Variants in MBNL2 observed in about 807,000 individuals in gnomAD.
The protein encoded by MBNL2 is muscleblind-like protein 2.
Under a neutral mutation model 41.9 loss-of-function variants are expected in MBNL2, and 17 were observed. The ratio of observed to expected loss-of-function variants is 0.41; its 90% CI spans 0.28 to 0.61. The LOEUF (loss-of-function observed/expected upper bound fraction) is 0.61, where lower values mean the gene tolerates loss of function less well. Ranked by LOEUF, MBNL2 falls within the 20% of genes least tolerant of loss-of-function variation. The pLI is 0.35. For missense variants in MBNL2, 336 were observed against 505.6 expected (o/e 0.66, Z 3.22); for synonymous variants, 195 against 182.9 (o/e 1.07, Z -0.53).
intron 5 of MBNL2, among the ~76,000 whole-genome samples, chr13:97,348,303 C>T (rs1189731736): frequency 1.3e-5 from 2 of 152,054 alleles, no homozygotes; most frequent in African/African-American, 2.4e-5. Context: ...TCAAGCAATT[C>T]TCACACCTTT....
intron 1 of MBNL2, among the ~76,000 whole-genome samples, chr13:97,259,349 T>A (rs1227542352): frequency 6.6e-6 from 1 of 152,158 alleles, no homozygotes; most frequent in Non-Finnish European, 1.5e-5. Context: ...TTTGTCCTTT[T>A]CACAGTCCGG....
chr13:97,215,841 A>G, the MBNL2 span, among the ~76,000 whole-genome samples: 1 of 152,166 alleles, frequency 6.6e-6, no homozygotes, highest in African/African-American at 2.4e-5. Context: ...TTTAGTTATC[A>G]CTTTTTTGGC....
intron 2 of MBNL2, among the ~76,000 whole-genome samples, chr13:97,317,226 C>G (rs2059136414): frequency 6.6e-6 from 1 of 152,166 alleles, no homozygotes; most frequent in South Asian, 2.1e-4. Flanking sequence ...CACTCTGTTC[C>G]AGGGCCGGGG....
chr13:97,321,867 G>A (rs1031709508), intron 2 of MBNL2, among the ~76,000 whole-genome samples: 19 of 152,154 alleles, frequency 1.2e-4, no homozygotes, highest in African/African-American at 4.3e-4. Context: ...GTATGCCCAT[G>A]GAAAGTTATC....
chr13:97,347,026 G>A lies in MBNL2; in HGVS notation c.763G>A (p.Ala255Thr), dbSNP rs1470338278. 6.2e-7 allele frequency: 1 copy of A among 1,611,980 alleles called. No homozygotes were observed. Among genetic ancestry groups the A allele is most frequent in the Non-Finnish European group, 8.5e-7 (1 of 1,179,062 alleles). Residue 255 changes from alanine to threonine, a missense_variant, in exon 5 of 9, where the codon GCG becomes ACG. Transcript: ENST00000679496. ...TGCGCAGCACCAAGCCAACCAAGCT[G>A]CGGTGGCCGCCCAGGCAGCCGCGGC... ...KAAQHQANQA[A>T]VAAQAAAAAA... is the part of the protein sequence containing the mutation.
chr13:97,381,624 T>C (rs2065460592), intron 8 of MBNL2, among the ~76,000 whole-genome samples: 1 of 152,034 alleles, frequency 6.6e-6, no homozygotes, highest in Non-Finnish European at 1.5e-5. Flanking sequence ...TTTCTGTTGC[T>C]GCATAAATGA....
chr13:97,252,412 A>G (rs2046743934), intron 1 of MBNL2, among the ~76,000 whole-genome samples: 1 of 152,162 alleles, frequency 6.6e-6, no homozygotes, highest in Non-Finnish European at 1.5e-5. Flanking sequence ...CAGCCTCCCC[A>G]ACAATAAAAA....
intron 2 of MBNL2, among the ~76,000 whole-genome samples, chr13:97,299,960 TG>T (rs35727732): frequency 1.3e-5 from 2 of 152,134 alleles, no homozygotes; most frequent in African/African-American, 4.8e-5. Context: ...CACAGGATGT[TG>T]GGGGTGTTCT....
At chr13:97,229,158 A>G (rs995615628) in intron 1 of MBNL2, among the ~76,000 whole-genome samples, 2 of 149,042 alleles carry the variant, frequency 1.3e-5, no homozygotes, top group African/African-American at 5.0e-5. Flanking sequence ...GCAAGCTTCA[A>G]TTAATCAAAC....
chr13:97,234,502 C>CG (rs918981215), intron 1 of MBNL2, among the ~76,000 whole-genome samples: 96 of 152,018 alleles, frequency 6.3e-4, no homozygotes, highest in African/African-American at 2.3e-3. Flanking sequence ...AGTGCGGGGG[C>CG]GGGGGGTAGT....
the MBNL2 span, among the ~76,000 whole-genome samples, chr13:97,193,371 A>G: frequency 2.2e-4 from 33 of 152,200 alleles, no homozygotes; most frequent in African/African-American, 8.0e-4. Flanking sequence ...AAGAGTGGAA[A>G]AGCAGAACAC....
At chr13:97,317,633 C>T (rs2153034733) in intron 2 of MBNL2, among the ~76,000 whole-genome samples, 1 of 152,356 alleles carries the variant, frequency 6.6e-6, no homozygotes, top group South Asian at 2.1e-4. Context: ...TGTGATCTCC[C>T]TGTAACAGGG....
the MBNL2 span, among the ~76,000 whole-genome samples, chr13:97,192,166 C>T: frequency 6.6e-6 from 1 of 152,094 alleles, no homozygotes; most frequent in Non-Finnish European, 1.5e-5. Context: ...TCTTCAGATA[C>T]TGAAGCAGAA....
chr13:97,351,776 C>T (rs1196688219), intron 5 of MBNL2, among the ~76,000 whole-genome samples: 7 of 152,162 alleles, frequency 4.6e-5, no homozygotes, highest in Admixed American at 4.6e-4. Flanking sequence ...ATAATCCCAG[C>T]ACTTTGCGGG....
chr13:97,163,319 C>T, the MBNL2 span, among the ~76,000 whole-genome samples: 2 of 152,158 alleles, frequency 1.3e-5, no homozygotes, highest in African/African-American at 4.8e-5. Flanking sequence ...AGCAGTCCAG[C>T]AGCTAAAGAA....
chr13:97,265,404 ACAAAATAC>A (rs2049533727), intron 1 of MBNL2, among the ~76,000 whole-genome samples: 1 of 152,166 alleles, frequency 6.6e-6, no homozygotes. Context: ...GTTCCAGAGG[ACAAAATAC>A]CATGTAAAAT....
the MBNL2 span, among the ~76,000 whole-genome samples, chr13:97,173,940 T>G: frequency 6.6e-6 from 1 of 152,210 alleles, no homozygotes; most frequent in Non-Finnish European, 1.5e-5. Context: ...TAAATTCATG[T>G]GCCGTAAAAA....
the MBNL2 span, among the ~76,000 whole-genome samples, chr13:97,158,416 G>A: frequency 4.6e-5 from 7 of 152,226 alleles, no homozygotes; most frequent in African/African-American, 1.7e-4. Flanking sequence ...TCTGATTTAG[G>A]TTATTTCTTG....
At chr13:97,332,555 CA>C (rs917410694) in intron 2 of MBNL2, among the ~76,000 whole-genome samples, 2 of 152,080 alleles carry the variant, frequency 1.3e-5, no homozygotes, top group African/African-American at 4.8e-5. Context: ...AGTCATAAAG[CA>C]AAGAGATTTA....
Sources: gnomAD v4.1 joint callset for allele counts (sites outside exome capture counted in the v4.1 genomes callset) on GRCh38, gnomAD v4.1.1 for gene constraint, MANE v1.5 for transcripts, NCBI Gene and HGNC (gene_info 2026-07-23, HGNC 2026-07-21) for gene names.